The following GRIK4 variants were observed in gnomAD, a reference collection of about 807,000 sequenced individuals.
The protein encoded by GRIK4 is glutamate receptor ionotropic, kainate 4.
In GRIK4, 40 loss-of-function variants were observed where a neutral mutation model predicts 104.9. The ratio of observed to expected loss-of-function variants is 0.38; its 90% CI spans 0.30 to 0.50. The LOEUF is 0.50. GRIK4 is among the 20% of genes least tolerant of loss of function. The pLI is 0.93. For missense variants in GRIK4, 1,047 were observed against 1,308.1 expected (o/e 0.80, Z 3.08); for synonymous variants, 485 against 524.9 (o/e 0.92, Z 1.04).
intron 11 of GRIK4, among the ~76,000 whole-genome samples, chr11:120,886,771 C>T (rs959994014): frequency 2.0e-5 from 3 of 152,208 alleles, no homozygotes; most frequent in Non-Finnish European, 1.5e-5. Flanking sequence ...CCTTTCTCTG[C>T]GTTCACTGCC....
chr11:120,783,548 A>G (rs1952204378), intron 3 of GRIK4, among the ~76,000 whole-genome samples: 1 of 151,718 alleles, frequency 6.6e-6, no homozygotes, highest in Non-Finnish European at 1.5e-5. Flanking sequence ...TAGTAGGTTT[A>G]TGGTCTCGGT....
intron 14 of GRIK4, among the ~76,000 whole-genome samples, chr11:120,944,219 CTTTT>C (rs1387586789): frequency 3.2e-5 from 4 of 126,728 alleles, no homozygotes; most frequent in Non-Finnish European, 6.6e-5. Flanking sequence ...CTCTCTCTCT[CTTTT>C]TGTCTTTCTC....
At chr11:120,941,661 C>A (rs1943728409) in intron 14 of GRIK4, among the ~76,000 whole-genome samples, 1 of 152,092 alleles carries the variant, frequency 6.6e-6, no homozygotes. Context: ...GGAATTTGAA[C>A]ACAGACACAT....
At chr11:120,673,293 G>C (rs1950049805) in intron 3 of GRIK4, among the ~76,000 whole-genome samples, 1 of 152,208 alleles carries the variant, frequency 6.6e-6, no homozygotes, top group South Asian at 2.1e-4. Flanking sequence ...GAATGATGGA[G>C]ACCCAAGGGA....
intron 5 of GRIK4, 98 bp downstream of exon 5, chr11:120,815,573 A>G: frequency 1.5e-6 from 1 of 673,452 alleles, no homozygotes; most frequent in Non-Finnish European, 2.5e-6. Flanking sequence ...GAGCCTGTCA[A>G]GGCTGGGTTG....
intron 1 of GRIK4, among the ~76,000 whole-genome samples, chr11:120,609,135 G>A (rs913428137): frequency 6.6e-6 from 1 of 152,112 alleles, no homozygotes; most frequent in East Asian, 1.9e-4. Context: ...TGCTCCCAGC[G>A]CCTCCCCTCC....
chr11:120,660,360 G>T lies in GRIK4; in HGVS notation c.42G>T (p.Trp14Cys). The change falls in exon 3 of 21, where the codon TGG becomes TGT. Residue 14 changes from tryptophan to cysteine, a missense_variant. Physicochemically the swap from Trp to Cys is radical, Grantham distance 215. Around this residue, in one of 3 missense-constraint regions of GRIK4, gnomAD observed 447 missense variants for 514.9 expected, o/e 0.87. Coordinates refer to ENST00000527524, the MANE Select transcript of GRIK4 (RefSeq NM_014619.5). Reference protein sequence around the residue: ...VSAPLVLLPAWLVMVACSPHS... With the variant: ...VSAPLVLLPACLVMVACSPHS... ...CGCCTTTGGTGCTGCTTCCTGCGTGGCTCGTGATGGTCGCCTGCAGCCCGC... is the reference window on the plus strand; with the variant it reads ...CGCCTTTGGTGCTGCTTCCTGCGTGTCTCGTGATGGTCGCCTGCAGCCCGC... 1 of 1,613,316 alleles carries T rather than the reference G, an allele frequency of 6.2e-7. No homozygotes were observed. Among genetic ancestry groups the T allele is most frequent in the Non-Finnish European group, 8.5e-7 (1 of 1,179,964 alleles).
intron 3 of GRIK4, among the ~76,000 whole-genome samples, chr11:120,774,670 C>T (rs1005144863): frequency 6.6e-6 from 1 of 152,186 alleles, no homozygotes; most frequent in Non-Finnish European, 1.5e-5. Context: ...GCCAAACATT[C>T]AGGCACTGTA....
intron 8 of GRIK4, among the ~76,000 whole-genome samples, chr11:120,850,572 G>A (rs1168039103): frequency 1.3e-5 from 2 of 152,096 alleles, no homozygotes; most frequent in Non-Finnish European, 2.9e-5. Context: ...TCAGGGCAGG[G>A]CCCATCCCTT....
chr11:120,844,341 G>A (rs760777715), intron 8 of GRIK4, among the ~76,000 whole-genome samples: 6 of 152,134 alleles, frequency 3.9e-5, no homozygotes, highest in Non-Finnish European at 7.4e-5. Flanking sequence ...AGCACCCTGT[G>A]TTCTTGTTTT....
chr11:120,980,715 G>C (rs895496876), intron 19 of GRIK4, among the ~76,000 whole-genome samples: 2 of 152,118 alleles, frequency 1.3e-5, no homozygotes, highest in African/African-American at 4.8e-5. Context: ...CATTCACACA[G>C]GTACTCAAGA....
intron 3 of GRIK4, among the ~76,000 whole-genome samples, chr11:120,700,565 T>C (rs1372490049): frequency 6.6e-6 from 1 of 152,174 alleles, no homozygotes; most frequent in Non-Finnish European, 1.5e-5. Flanking sequence ...TTCAAGCAAT[T>C]CTCCTGCCTC....
chr11:120,853,097 T>C (rs1156838686), intron 8 of GRIK4, among the ~76,000 whole-genome samples: 2 of 152,156 alleles, frequency 1.3e-5, no homozygotes, highest in South Asian at 2.1e-4. Context: ...GAGGTAGCTT[T>C]GAACAAACTC....
chr11:120,702,352 C>T (rs1434919341), intron 3 of GRIK4, among the ~76,000 whole-genome samples: 1 of 152,116 alleles, frequency 6.6e-6, no homozygotes, highest in African/African-American at 2.4e-5. Flanking sequence ...GGTGTCTGAG[C>T]CGAATCTTGG....
chr11:120,517,806 A>C (rs1024596457), intron 1 of GRIK4, among the ~76,000 whole-genome samples: 2 of 152,130 alleles, frequency 1.3e-5, no homozygotes, highest in African/African-American at 2.4e-5. Flanking sequence ...GAGGAGTCGT[A>C]GTGGTGGCCT....
At chr11:120,532,645 G>C (rs969683674) in intron 1 of GRIK4, among the ~76,000 whole-genome samples, 2 of 152,136 alleles carry the variant, frequency 1.3e-5, no homozygotes, top group African/African-American at 4.8e-5. Flanking sequence ...GTTTCATTTC[G>C]CTGGCTTCAT....
intron 6 of GRIK4, among the ~76,000 whole-genome samples, chr11:120,826,821 G>A (rs778957728): frequency 2.0e-5 from 3 of 152,160 alleles, no homozygotes; most frequent in African/African-American, 4.8e-5. Flanking sequence ...GGTAAAATAC[G>A]TCATTCCAGA....
intron 3 of GRIK4, among the ~76,000 whole-genome samples, chr11:120,671,345 C>T (rs575956061): frequency 1.3e-5 from 2 of 152,318 alleles, no homozygotes; most frequent in Admixed American, 1.3e-4. Context: ...ACTATTTCTC[C>T]ACATCCTCTC....
At chr11:120,931,861 G>C (rs1409784216) in intron 13 of GRIK4, among the ~76,000 whole-genome samples, 2 of 152,152 alleles carry the variant, frequency 1.3e-5, no homozygotes, top group Admixed American at 1.3e-4. Flanking sequence ...CTACCTGCCT[G>C]CCTCTCCAGC....
Sources: gnomAD v4.1 joint callset for allele counts (sites outside exome capture counted in the v4.1 genomes callset) on GRCh38, gnomAD v4.1.1 for gene constraint, gnomAD v4.1.1 regional missense constraint, MANE v1.5 for transcripts, NCBI Gene and HGNC (gene_info 2026-07-23, HGNC 2026-07-21) for gene names.